The following MICAL2 variants were observed in gnomAD, a reference collection of about 807,000 sequenced individuals.
The protein encoded by MICAL2 is [F-actin]-monooxygenase MICAL2.
In MICAL2, 77 loss-of-function variants were observed where a neutral mutation model predicts 127.3. The observed-to-expected ratio is 0.60, with a 90% CI of 0.50 to 0.73. The LOEUF is 0.73. Among genes scored for constraint, MICAL2 ranks in the 30% least tolerant of loss-of-function variants. MICAL2 has a pLI of 0.00. For synonymous variants in MICAL2, 570 were observed against 551.1 expected (o/e 1.03, Z -0.48); for missense variants, 1,351 against 1,434.4 (o/e 0.94, Z 0.94).
At chr11:12,341,732 C>T (rs1043267840) in intron 32 of MICAL2, among the ~76,000 whole-genome samples, 1 of 151,934 alleles carries the variant, frequency 6.6e-6, no homozygotes, top group Non-Finnish European at 1.5e-5. Flanking sequence ...GAGGCTGAGG[C>T]AAAAGAATAG....
intron 3 of MICAL2, among the ~76,000 whole-genome samples, chr11:12,186,545 AG>A (rs1858305441): frequency 1.3e-5 from 2 of 152,142 alleles, no homozygotes; most frequent in East Asian, 3.9e-4. Flanking sequence ...TTTTAAAAAA[AG>A]ATTTTTTTTT....
At chr11:12,243,923 G>A in intron 20 of MICAL2, 64 bp from the exon 21 acceptor site, 3 of 1,583,142 alleles carry the variant, frequency 1.9e-6, no homozygotes, top group Non-Finnish European at 2.6e-6. Flanking sequence ...GCATGATTGA[G>A]GCATGTATCA....
chr11:12,217,293 C>T (rs1324071564), intron 8 of MICAL2, among the ~76,000 whole-genome samples: 1 of 152,194 alleles, frequency 6.6e-6, no homozygotes, highest in Non-Finnish European at 1.5e-5. Flanking sequence ...ATCTTCTTTC[C>T]TGCGTGTGCT....
At position 12,202,013 on chromosome 11, in the gene MICAL2, T is replaced by C. The variant is rs1406257777; in HGVS notation, c.265-2237T>C. Among the ~76,000 whole-genome samples the C allele has an allele frequency of 5.3e-5, 8 of 151,958 alleles. 1 individual carries two copies. The East Asian group carries it at 1.5e-3, about 29-fold the overall frequency. On this transcript the variant is annotated intron_variant, in intron 3 of 27. Coordinates refer to ENST00000683283, the MANE Select transcript of MICAL2 (RefSeq NM_001282663.2). ...GGCACATGCCTGTAATCCCAGCTAC[T>C]CAGGAGGCTGAGGCAGGAGAAGCAC...
chr11:12,269,313 A>G (rs1863645661), intron 24 of MICAL2, among the ~76,000 whole-genome samples: 1 of 152,168 alleles, frequency 6.6e-6, no homozygotes, highest in African/African-American at 2.4e-5. Flanking sequence ...GAATGCGGGT[A>G]TGGGTCCTGG....
rs116273419 is a variant in MICAL2, at chr11:12,222,405, G to A, written c.1323-212G>A. Among the ~76,000 whole-genome samples the A allele has an allele frequency of 9.2e-3, 1,400 of 152,248 alleles. 26 individuals carry two copies. The highest frequency in any genetic ancestry group is 0.03 in the African/African-American group (1,238 of 41,542). On this transcript the variant is annotated intron_variant, in intron 10 of 27. Coordinates refer to ENST00000683283, the MANE Select transcript of MICAL2 (RefSeq NM_001282663.2). ...CTGGGTGGAGGAGCCCAGCATCCCCGTCACCCAGGCGCCCCTTTCCTCTCG... is the reference window on the plus strand; with the variant it reads ...CTGGGTGGAGGAGCCCAGCATCCCCATCACCCAGGCGCCCCTTTCCTCTCG...
At chr11:12,196,711 A>C (rs1054209497) in intron 3 of MICAL2, among the ~76,000 whole-genome samples, 2 of 152,112 alleles carry the variant, frequency 1.3e-5, no homozygotes, top group Non-Finnish European at 2.9e-5. Flanking sequence ...CCTCCATCCT[A>C]TTCTAAGCTC....
At chr11:12,205,441 A>G (rs1167149005) in intron 4 of MICAL2, among the ~76,000 whole-genome samples, 1 of 152,184 alleles carries the variant, frequency 6.6e-6, no homozygotes, top group Non-Finnish European at 1.5e-5. Context: ...GTATACTTGA[A>G]TTCCACAGGG....
intron 24 of MICAL2, among the ~76,000 whole-genome samples, chr11:12,269,409 A>G (rs994891293): frequency 2.6e-5 from 4 of 152,252 alleles, no homozygotes; most frequent in African/African-American, 9.6e-5. Context: ...GCAGGTTCCA[A>G]GAAGAAGGCT....
At chr11:12,286,603 T>C (rs1297377469) in intron 2 of MICAL2, among the ~76,000 whole-genome samples, 3 of 152,156 alleles carry the variant, frequency 2.0e-5, no homozygotes, top group Non-Finnish European at 4.4e-5. Context: ...GTGTGGTGGC[T>C]CATGCCTGTA....
chr11:12,135,487 A>G (rs1033045002), intron 1 of MICAL2, among the ~76,000 whole-genome samples: 2 of 152,158 alleles, frequency 1.3e-5, no homozygotes, highest in Non-Finnish European at 2.9e-5. Context: ...CATCACCTCC[A>G]AGCACCTGCT....
chr11:12,277,167 T>G (rs765413787), intron 1 of MICAL2, among the ~76,000 whole-genome samples: 1 of 152,076 alleles, frequency 6.6e-6, no homozygotes, highest in Non-Finnish European at 1.5e-5. Context: ...GGTTCTGCTC[T>G]GGAGCCTGCG....
At chr11:12,348,418 CT>C (rs1938991333) in intron 32 of MICAL2, among the ~76,000 whole-genome samples, 1 of 152,114 alleles carries the variant, frequency 6.6e-6, no homozygotes, top group Non-Finnish European at 1.5e-5. Context: ...GCTGACCATA[CT>C]GTGTCATTAT....
chr11:12,337,594 G>T (rs1938789319), intron 32 of MICAL2, among the ~76,000 whole-genome samples: 1 of 151,924 alleles, frequency 6.6e-6, no homozygotes, highest in South Asian at 2.1e-4. Flanking sequence ...GGCATTTAGT[G>T]CTATAAATTT....
intron 3 of MICAL2, among the ~76,000 whole-genome samples, chr11:12,191,192 C>A (rs977490563): frequency 6.6e-6 from 1 of 152,084 alleles, no homozygotes; most frequent in Non-Finnish European, 1.5e-5. Context: ...TGGCCGGGTG[C>A]GGTGGCCCAC....
intron 33 of MICAL2, among the ~76,000 whole-genome samples, chr11:12,350,425 G>A (rs1294166484): frequency 6.6e-6 from 1 of 152,116 alleles, no homozygotes; most frequent in East Asian, 1.9e-4. Flanking sequence ...AAGTGGAGAT[G>A]GATGTCACCA....
intron 29 of MICAL2, among the ~76,000 whole-genome samples, chr11:12,306,650 G>C (rs945696110): frequency 2.0e-5 from 3 of 152,108 alleles, no homozygotes; most frequent in African/African-American, 7.2e-5. Context: ...GGAAAACACT[G>C]ATTTGTTTTC....
At chr11:12,238,905 G>A (rs1859480363) in intron 16 of MICAL2, among the ~76,000 whole-genome samples, 1 of 152,112 alleles carries the variant, frequency 6.6e-6, no homozygotes, top group Non-Finnish European at 1.5e-5. Flanking sequence ...ATAGAGCAGG[G>A]CTGGTTAAAG....
At chr11:12,261,661 T>C in intron 26 of MICAL2, 5 of 985,386 alleles carry the variant, frequency 5.1e-6, no homozygotes, top group Non-Finnish European at 6.0e-6. Flanking sequence ...CTTTGAGAGC[T>C]TTGAGATGAC....
Sources: allele counts gnomAD v4.1 joint callset (sites outside exome capture counted in the v4.1 genomes callset), GRCh38; gene constraint gnomAD v4.1.1; transcripts MANE v1.5; gene names NCBI Gene and HGNC (gene_info 2026-07-23, HGNC 2026-07-21).